Variants in SERPINB7 observed in about 807,000 individuals in gnomAD.
The protein encoded by SERPINB7 is serpin B7.
Under a neutral mutation model 37.4 loss-of-function variants are expected in SERPINB7, and 31 were observed. The ratio of observed to expected loss-of-function variants is 0.83; its 90% CI spans 0.62 to 1.12. The LOEUF (loss-of-function observed/expected upper bound fraction) is 1.12. Ranked by LOEUF, SERPINB7 falls within the 50% of genes most tolerant of loss-of-function variation. The probability of loss-of-function intolerance (pLI) is 0.00; values close to 1 mark genes in which losing one functional copy is unlikely to be tolerated. For synonymous variants in SERPINB7, 163 were observed against 166.1 expected (o/e 0.98, Z 0.14); for missense variants, 521 against 455.3 (o/e 1.14, Z -1.31).
At chr18:63,757,373 A>G (rs2049128285) in intron 1 of SERPINB7, among the ~76,000 whole-genome samples, 1 of 152,242 alleles carries the variant, frequency 6.6e-6, no homozygotes, top group Non-Finnish European at 1.5e-5. Flanking sequence ...AGTATTAATA[A>G]TATCAAAGCT....
At chr18:63,772,194 C>T (rs1671453360), upstream of SERPINB7, among the ~76,000 whole-genome samples, 1 of 151,960 alleles carries the variant, frequency 6.6e-6, no homozygotes, top group African/African-American at 2.4e-5. Flanking sequence ...TGGGAGACTT[C>T]AACTTAAATA....
intron 7 of SERPINB7, 37 bp from the exon 8 acceptor site, chr18:63,804,200 C>T: frequency 1.4e-6 from 2 of 1,410,738 alleles, no homozygotes; most frequent in African/African-American, 2.9e-5. Context: ...ATCACTTGAC[C>T]ATATGATTCT....
intron 4 of SERPINB7, among the ~76,000 whole-genome samples, chr18:63,794,296 C>T (rs896939490): frequency 2.6e-5 from 4 of 151,472 alleles, no homozygotes; most frequent in Non-Finnish European, 4.4e-5. Context: ...ATAGCAACAT[C>T]TATATAACTA....
intron 1 of SERPINB7, among the ~76,000 whole-genome samples, chr18:63,757,073 G>T (rs547047563): frequency 4.0e-5 from 6 of 151,408 alleles, no homozygotes; most frequent in South Asian, 4.2e-4. Context: ...AGAGTTGTTT[G>T]TTTTTTTTCT....
upstream of SERPINB7, among the ~76,000 whole-genome samples, chr18:63,771,610 T>C (rs549559850): frequency 6.6e-6 from 1 of 152,248 alleles, no homozygotes; most frequent in Non-Finnish European, 1.5e-5. Context: ...TGCCCGTAAA[T>C]TAAAGGCATC....
intron 2 of SERPINB7, among the ~76,000 whole-genome samples, chr18:63,785,094 G>T (rs2049351051): frequency 6.6e-6 from 1 of 152,198 alleles, no homozygotes. Context: ...CTTGCATGAA[G>T]AAACATGTAA....
chr18:63,763,049 A>G (rs996562551), intron 1 of SERPINB7, among the ~76,000 whole-genome samples: 6 of 152,166 alleles, frequency 3.9e-5, no homozygotes, highest in African/African-American at 1.4e-4. Context: ...TGTAGCATAA[A>G]ACATACTCCT....
Position 63,804,839 on chromosome 18 carries a change from C to A in SERPINB7, c.*204C>A. On this transcript the variant is annotated 3_prime_UTR_variant, in exon 8 of 8. Transcript: ENST00000398019. Reference sequence around the variant, plus strand: ...ATCCCTGCTCTTAGCATTCTACCACCATGTGTCTCACCCATTTCTAATTTC... The same window carrying A: ...ATCCCTGCTCTTAGCATTCTACCACAATGTGTCTCACCCATTTCTAATTTC... 2 of 548,444 alleles carry A rather than the reference C, an allele frequency of 3.6e-6. No individual in the cohort carries two copies. The highest frequency in any genetic ancestry group is 5.6e-5 in the South Asian group (2 of 35,414). The allele number at this position is 548,444 out of a possible 1,614,324, so 34.0% of individuals were successfully genotyped here. A position where few individuals can be genotyped will look rare whatever the true frequency, so the allele number is the denominator to read the frequency against.
At position 63,782,509 on chromosome 18, in the gene SERPINB7, C is replaced by T; in HGVS notation, c.137C>T (p.Ala46Val). The change falls in exon 2 of 8, where the codon GCT becomes GTT. Residue 46 changes from alanine to valine, a missense_variant. Physicochemically the swap from Ala to Val is moderately conservative, Grantham distance 64. Coordinates refer to ENST00000398019, the MANE Select transcript of SERPINB7 (RefSeq NM_003784.4). Reference sequence around the variant, plus strand: ...GCCCTGGCCCTGGTCCGCTTGGGCGCTCAAGATGACTCCCTCTCTCAGATT... The same window carrying T: ...GCCCTGGCCCTGGTCCGCTTGGGCGTTCAAGATGACTCCCTCTCTCAGATT... ...FAALALVRLG[A>V]QDDSLSQIDK... is the part of the protein sequence containing the mutation. 1 of 1,613,340 alleles carries T rather than the reference C, an allele frequency of 6.2e-7. No individual in the cohort carries two copies. The highest frequency in any genetic ancestry group is 1.7e-5 in the Admixed American group (1 of 59,952).
intron 1 of SERPINB7, among the ~76,000 whole-genome samples, chr18:63,781,059 A>T (rs1281890678): frequency 1.3e-5 from 2 of 152,204 alleles, no homozygotes; most frequent in African/African-American, 4.8e-5. Flanking sequence ...TAAAAAACTT[A>T]TTTTAATTTC....
intron 2 of SERPINB7, among the ~76,000 whole-genome samples, chr18:63,790,816 T>C (rs1377557298): frequency 6.6e-6 from 1 of 152,128 alleles, no homozygotes; most frequent in Non-Finnish European, 1.5e-5. Context: ...TATAAATCAT[T>C]CTACTATAAA....
At chr18:63,755,445 C>T (rs993122835) in intron 1 of SERPINB7, among the ~76,000 whole-genome samples, 7 of 152,230 alleles carry the variant, frequency 4.6e-5, no homozygotes, top group Admixed American at 3.9e-4. Flanking sequence ...TTTCTTTCTA[C>T]TGGCCTTCTT....
intron 2 of SERPINB7, among the ~76,000 whole-genome samples, chr18:63,783,232 G>GAGAGAGAA (rs2049328062): frequency 3.9e-4 from 16 of 40,704 alleles, no homozygotes; most frequent in South Asian, 1.0e-3. Flanking sequence ...GAGAGAGAGA[G>GAGAGAGAA]AGAAAGAAAG....
intron 5 of SERPINB7, 139 bp from the exon 6 acceptor site, chr18:63,798,465 G>T: frequency 1.6e-6 from 1 of 642,130 alleles, no homozygotes; most frequent in Non-Finnish European, 2.6e-6. Flanking sequence ...CACATTAATT[G>T]CTCATAGGTT....
At chr18:63,760,758 A>G (rs1435445698) in intron 1 of SERPINB7, among the ~76,000 whole-genome samples, 1 of 152,252 alleles carries the variant, frequency 6.6e-6, no homozygotes, top group Non-Finnish European at 1.5e-5. Flanking sequence ...GGAAGACCCA[A>G]GCCTTGGCAG....
At chr18:63,778,095 T>A (rs2049268193) in intron 1 of SERPINB7, 1 of 152,138 alleles carries the variant, frequency 6.6e-6, no homozygotes, top group African/African-American at 2.4e-5. Context: ...GGGAATCGGA[T>A]GCCAGCTGAA....
At position 63,783,215 on chromosome 18, in the gene SERPINB7, AGAGAGAGAG is replaced by A. The variant is rs1568207689; in HGVS notation, c.168+676_168+684del. Among the ~76,000 whole-genome samples, 284 of 74,758 alleles carry A rather than the reference AGAGAGAGAG, an allele frequency of 3.8e-3. 3 individuals are homozygous for A. Among genetic ancestry groups the A allele is most frequent in the East Asian group, 0.019 (42 of 2,176 alleles). The allele number at this position is 74,758 out of a possible 152,430, so 49.0% of individuals were successfully genotyped here. A position where few individuals can be genotyped will look rare whatever the true frequency, so the allele number is the denominator to read the frequency against. On this transcript the variant is annotated intron_variant, in intron 2 of 7. Coordinates refer to ENST00000398019, the MANE Select transcript of SERPINB7 (RefSeq NM_003784.4). Reference sequence around the variant, plus strand: ...GAGAGAGAGAGAGAGAGAGAGAGAGAGAGAGAGAGAGAGAGAGAGAAAGAAAGAAAGAAA... The same window carrying A: ...GAGAGAGAGAGAGAGAGAGAGAGAGAAGAGAGAGAGAAAGAAAGAAAGAAA...
chr18:63,780,042 C>T (rs1373502154), intron 1 of SERPINB7, among the ~76,000 whole-genome samples: 1 of 152,112 alleles, frequency 6.6e-6, no homozygotes, highest in Non-Finnish European at 1.5e-5. Context: ...AAAAACCTTT[C>T]AGGTCTTATT....
chr18:63,756,957 T>C (rs1034562311), intron 1 of SERPINB7, among the ~76,000 whole-genome samples: 2 of 152,186 alleles, frequency 1.3e-5, no homozygotes, highest in Non-Finnish European at 2.9e-5. Flanking sequence ...CCTATTTCAA[T>C]CGCTATCACC....
Sources: gnomAD v4.1 joint callset for allele counts (sites outside exome capture counted in the v4.1 genomes callset) on GRCh38, gnomAD v4.1.1 for gene constraint, MANE v1.5 for transcripts, NCBI Gene and HGNC (gene_info 2026-07-23, HGNC 2026-07-21) for gene names.